OR9Q1: variants seen among roughly 807,000 people sequenced by gnomAD.
The protein encoded by OR9Q1 is olfactory receptor family 9 subfamily Q member 1.
For synonymous variants in OR9Q1, 153 were observed against 148.6 expected, an observed-to-expected ratio of 1.03 and a Z score of -0.22; for missense variants, 374 against 378.8, an observed-to-expected ratio of 0.99 and a Z score of 0.11.
intron 2 of OR9Q1, among the ~76,000 whole-genome samples, chr11:58,154,366 A>G (rs1326248275): frequency 1.4e-5 from 2 of 140,506 alleles, no homozygotes; most frequent in Non-Finnish European, 3.0e-5. Flanking sequence ...AGCAATAAAA[A>G]TCAATGCAAT....
In OR9Q1 at chr11:58,032,281, A is replaced by C. The variant is rs117178719; in HGVS notation, c.-93+8177A>C. ...ATTCTAAAATTCATATGAAAGCAAA[A>C]AAGGAGCCCAAATTGCCAAAGCAAT... On this transcript the variant is annotated intron_variant, in intron 1 of 2. Coordinates refer to ENST00000335397, the MANE Select transcript of OR9Q1 (RefSeq NM_001005212.4). Among the ~76,000 whole-genome samples, 672 of 152,330 alleles carry C rather than the reference A, an allele frequency of 4.4e-3. 4 individuals are homozygous for C. Among genetic ancestry groups the C allele is most frequent in the Non-Finnish European group, 8.0e-3 (541 of 68,024 alleles).
intron 2 of OR9Q1, chr11:58,125,437 G>A (rs1288320487): frequency 1.3e-5 from 2 of 152,160 alleles, no homozygotes; most frequent in Non-Finnish European, 2.9e-5. Flanking sequence ...TTACCTGGTG[G>A]AATAATTCAG....
chr11:58,181,533 C>T lies in OR9Q1; in HGVS notation c.*1156C>T, dbSNP rs895958284. On this transcript the variant is annotated 3_prime_UTR_variant, in exon 3 of 3. Transcript: ENST00000335397. The stretch of plus-strand genomic sequence containing the variant: ...TTTAAACAAATTTTTATACCTGGAA[C>T]TCAAACTTCTTTTCCTGTCTCCTGG... 4 of 154,700 alleles carry T rather than the reference C, an allele frequency of 2.6e-5. No individual in the cohort carries two copies. The highest frequency in any genetic ancestry group is 4.5e-5 in the Non-Finnish European group (3 of 66,172). The allele number at this position is 154,700 out of a possible 1,614,324, so 9.6% of individuals were successfully genotyped here. A position where few individuals can be genotyped will look rare whatever the true frequency, so the allele number is the denominator to read the frequency against.
intron 2 of OR9Q1, among the ~76,000 whole-genome samples, chr11:58,122,474 A>G (rs1155858): frequency 0.22 from 32,835 of 152,194 alleles, 4,026 homozygotes; most frequent in Middle Eastern, 0.38. Context: ...GCTAGGTTAT[A>G]TGACCACTGA....
At chr11:58,053,847 C>T (rs567353817) in intron 1 of OR9Q1, among the ~76,000 whole-genome samples, 37 of 151,736 alleles carry the variant, frequency 2.4e-4, no homozygotes, top group Non-Finnish European at 2.2e-4. Context: ...CCAATATTTC[C>T]CCATCTCCTT....
rs761388229 is a variant in OR9Q1, at chr11:58,180,640, C to G, written c.*263C>G. 1.8e-5 allele frequency: 6 copies of G among 331,428 alleles called. No individual in the cohort carries two copies. The highest frequency in any genetic ancestry group is 3.5e-5 in the Non-Finnish European group (6 of 173,302). The allele number at this position is 331,428 out of a possible 1,614,324, so 20.5% of individuals were successfully genotyped here. ...AAGCCTGTGCAATCCAAATATGGCA[C>G]ACTTCACCTGTCTGTGATTATAAGA... On this transcript the variant is annotated 3_prime_UTR_variant, in exon 3 of 3. Transcript: ENST00000335397.
intron 2 of OR9Q1, among the ~76,000 whole-genome samples, chr11:58,171,954 T>C (rs1854559494): frequency 6.6e-6 from 1 of 152,148 alleles, no homozygotes; most frequent in African/African-American, 2.4e-5. Flanking sequence ...GGGGAAAATA[T>C]TGATAAATAC....
intron 2 of OR9Q1, among the ~76,000 whole-genome samples, chr11:58,069,646 C>A (rs187048408): frequency 9.9e-5 from 15 of 152,174 alleles, no homozygotes; most frequent in Non-Finnish European, 1.9e-4. Context: ...GGCTGAAGCA[C>A]GAGAATTGCT....
chr11:58,142,665 A>AAGAATCAC (rs1475643651), intron 2 of OR9Q1, among the ~76,000 whole-genome samples: 1 of 152,194 alleles, frequency 6.6e-6, no homozygotes, highest in East Asian at 1.9e-4. Flanking sequence ...AGAGGACAAG[A>AAGAATCAC]AGAATCACCT....
rs1283524809 is a variant in OR9Q1, at chr11:58,123,516, A to G, written c.-14-55915A>G. ...ATCACACTGAGTTTGTGGCACATGC[A>G]TGCAAGGCCTGTTTCATACATTAGC... On this transcript the variant is annotated intron_variant, in intron 2 of 2. Coordinates refer to ENST00000335397, the MANE Select transcript of OR9Q1 (RefSeq NM_001005212.4). Among the ~76,000 whole-genome samples, 6 of 152,302 alleles carry G rather than the reference A, an allele frequency of 3.9e-5. No individual in the cohort carries two copies. The East Asian group carries it at 9.6e-4, about 24-fold the overall frequency.
intron 2 of OR9Q1, among the ~76,000 whole-genome samples, chr11:58,172,448 TACTA>T (rs780972314): frequency 2.0e-5 from 3 of 152,338 alleles, no homozygotes; most frequent in Admixed American, 6.5e-5. Context: ...CCATCCTGAT[TACTA>T]ACTATCAGGG....
chr11:58,123,057 A>G (rs1214180709), intron 2 of OR9Q1, among the ~76,000 whole-genome samples: 1 of 151,830 alleles, frequency 6.6e-6, no homozygotes, highest in Non-Finnish European at 1.5e-5. Context: ...CTTTGCATAT[A>G]TTATTTAATT....
intron 1 of OR9Q1, among the ~76,000 whole-genome samples, chr11:58,035,951 T>G (rs1007894775): frequency 3.9e-5 from 6 of 151,946 alleles, no homozygotes; most frequent in Admixed American, 2.6e-4. Context: ...ACTGGTTTTT[T>G]TTTTTTTTTA....
intron 2 of OR9Q1, among the ~76,000 whole-genome samples, chr11:58,106,855 G>T (rs1311013052): frequency 1.3e-5 from 2 of 152,058 alleles, no homozygotes; most frequent in Non-Finnish European, 2.9e-5. Context: ...TGATGTATAT[G>T]TCTATTTTTA....
intron 2 of OR9Q1, among the ~76,000 whole-genome samples, chr11:58,074,655 G>T (rs1312578768): frequency 6.6e-6 from 1 of 152,118 alleles, no homozygotes; most frequent in African/African-American, 2.4e-5. Flanking sequence ...ATTGCTTTCG[G>T]TGTTTTAGTT....
At chr11:58,044,272 G>A (rs1452645259) in intron 1 of OR9Q1, 2 of 152,198 alleles carry the variant, frequency 1.3e-5, no homozygotes, top group Admixed American at 1.3e-4. Context: ...TACTCTGGCT[G>A]ATGGCTGGCC....
At chr11:58,078,797 A>G (rs1174127138) in intron 2 of OR9Q1, among the ~76,000 whole-genome samples, 1 of 152,188 alleles carries the variant, frequency 6.6e-6, no homozygotes, top group Admixed American at 6.5e-5. Context: ...CTTTGAAAAC[A>G]TCGAATGGAG....
rs989618498 is a variant in OR9Q1, at chr11:58,181,343, C to T, written c.*966C>T. Reference sequence around the variant, plus strand: ...ACATGGCGATAGGCAGGAGGGTGGTCCTCGCCTATCCTGGGTCCCTGCACT... The same window carrying T: ...ACATGGCGATAGGCAGGAGGGTGGTTCTCGCCTATCCTGGGTCCCTGCACT... On this transcript the variant is annotated 3_prime_UTR_variant, in exon 3 of 3. Coordinates refer to ENST00000335397, the MANE Select transcript of OR9Q1 (RefSeq NM_001005212.4). The T allele has an allele frequency of 6.0e-6, 1 of 166,920 alleles. No homozygotes were observed. Among genetic ancestry groups the T allele is most frequent in the South Asian group, 2.1e-4 (1 of 4,812 alleles). 10.3% of individuals were successfully genotyped at this position (166,920 alleles called of 1,614,324 possible).
In OR9Q1 at chr11:58,085,893, C is replaced by A. The variant is rs542923620; in HGVS notation, c.-15+29946C>A. ...ACAGGCAAAAGTGTTTCTGTGGGAG[C>A]CTTGGAATTTAGGTAGGAGGTTATA... On this transcript the variant is annotated intron_variant, in intron 2 of 2. Coordinates refer to ENST00000335397, the MANE Select transcript of OR9Q1 (RefSeq NM_001005212.4). Among the ~76,000 whole-genome samples the A allele has an allele frequency of 2.8e-3, 429 of 151,778 alleles. 3 individuals carry two copies. Among genetic ancestry groups the A allele is most frequent in the Non-Finnish European group, 3.9e-3 (268 of 68,000 alleles).
Sources: gnomAD v4.1 joint callset for allele counts (sites outside exome capture counted in the v4.1 genomes callset) on GRCh38, gnomAD v4.1.1 for gene constraint, MANE v1.5 for transcripts, NCBI Gene and HGNC (gene_info 2026-07-23, HGNC 2026-07-21) for gene names.